The following COL20A1 variants were observed in gnomAD, a reference collection of about 807,000 sequenced individuals.
The protein encoded by COL20A1 is collagen type XX alpha 1 chain.
In COL20A1, 164 loss-of-function variants were observed where a neutral mutation model predicts 152.9. The ratio of observed to expected loss-of-function variants is 1.07; its 90% confidence interval spans 0.94 to 1.22. The LOEUF (loss-of-function observed/expected upper bound fraction) is 1.22, where lower values mean the gene tolerates loss of function less well. COL20A1 is among the 50% of genes most tolerant of loss of function. The probability of loss-of-function intolerance (pLI) is 0.00; values close to 1 mark genes in which losing one functional copy is unlikely to be tolerated. For missense variants in COL20A1, 1,873 were observed against 1,744.8 expected (o/e 1.07, Z -1.31); for synonymous variants, 864 against 756.0 (o/e 1.14, Z -2.34).
In COL20A1 at chr20:63,312,536, C is replaced by T. The variant is rs2123405000; in HGVS notation, c.1920C>T (p.Gly640=). 6.3e-7 allele frequency: 1 copy of T among 1,588,480 alleles called. No homozygotes were observed. The highest frequency in any genetic ancestry group is 8.5e-7 in the Non-Finnish European group (1 of 1,170,946). ...YPGGGSSTLT[G]RVTTKKAPSP... ...GGGGTGGCTCCTCTACGCTGACTGG[C>T]CGGGTGACCACCAGTGAGTGGGGAG... The change falls in exon 15 of 36, where the codon GGC becomes GGT. Residue 640 remains glycine (G), a synonymous_variant. Coordinates refer to ENST00000358894, the MANE Select transcript of COL20A1 (RefSeq NM_020882.4).
intron 8 of COL20A1, among the ~76,000 whole-genome samples, 172 bp downstream of exon 8, chr20:63,308,878 G>A (rs2067966285): frequency 6.6e-6 from 1 of 152,334 alleles, no homozygotes; most frequent in Non-Finnish European, 1.5e-5. Flanking sequence ...GATGGCACAG[G>A]CGGGCTGCTC....
Position 63,319,073 on chromosome 20 carries a change from C to T in COL20A1, c.2679C>T (p.Ala893=), listed in dbSNP as rs750952401. The change falls in exon 22 of 36, where the codon GCC becomes GCT. Residue 893 remains alanine (A), a synonymous_variant. Transcript: ENST00000358894. The surrounding 1 kb of genome is among the most constrained non-coding windows in gnomAD (Gnocchi z 4.4). ...ACCCCCACAGTGACGTCTACCCAGC[C>T]CCCCTACCTCCAGAGCACACCATCG... The part of the protein sequence containing the change: ...LTRRVSDVYP[A]PLPPEHTIVF... 25 of 1,612,204 alleles carry T rather than the reference C, an allele frequency of 1.6e-5. No homozygotes were observed. In the African/African-American group the frequency reaches 3.2e-4, roughly 21 times the overall value.
intron 2 of COL20A1, among the ~76,000 whole-genome samples, chr20:63,296,844 C>T (rs1044245069): frequency 6.6e-6 from 1 of 152,112 alleles, no homozygotes; most frequent in East Asian, 1.9e-4. Context: ...TGCCCCCCAG[C>T]CCCTGCTCTT....
intron 15 of COL20A1, 72 bp downstream of exon 15, chr20:63,312,621 C>T: frequency 6.7e-7 from 1 of 1,496,334 alleles, no homozygotes; most frequent in Admixed American, 2.1e-5. Flanking sequence ...AGACAGTTCA[C>T]ATCAAGTGTT....
Position 63,310,364 on chromosome 20 carries a change from T to C in COL20A1, c.1264-17T>C. On this transcript the variant is annotated splice_polypyrimidine_tract_variant and intron_variant, in intron 10 of 35. Coordinates refer to ENST00000358894, the MANE Select transcript of COL20A1 (RefSeq NM_020882.4). The stretch of plus-strand genomic sequence containing the variant: ...GCACCCCCCTTCCTGGCTCCGTCCT[T>C]GCCCACTCTGTTCCAGGTGGTGGTG... 1 of 1,610,500 alleles carries C rather than the reference T, an allele frequency of 6.2e-7. No individual in the cohort carries two copies. The highest frequency in any genetic ancestry group is 8.5e-7 in the Non-Finnish European group (1 of 1,179,070).
chr20:63,319,500 C>T lies in COL20A1; in HGVS notation c.2820C>T (p.Ser940=). 1 of 1,582,242 alleles carries T rather than the reference C, an allele frequency of 6.3e-7. No individual in the cohort carries two copies. The highest frequency in any genetic ancestry group is 8.6e-7 in the Non-Finnish European group (1 of 1,164,992). The change falls in exon 23 of 36, where the codon TCC becomes TCT. Residue 940 remains serine (S), a synonymous_variant. Coordinates refer to ENST00000358894, the MANE Select transcript of COL20A1 (RefSeq NM_020882.4). The surrounding 1 kb of genome is among the most constrained non-coding windows in gnomAD (Gnocchi z 4.4). ...CTTCCCTGGCAGCCGGGAAGAAGTCCCTGACCTACTTCCACCGTGACCCCA... is the reference window on the plus strand; with the variant it reads ...CTTCCCTGGCAGCCGGGAAGAAGTCTCTGACCTACTTCCACCGTGACCCCA... ...LGVLLDAGKK[S]LTYFHRDPRA...
In COL20A1 at chr20:63,307,355, G is replaced by A. The variant is rs2067938546; in HGVS notation, c.497-135G>A. 3 of 772,800 alleles carry A rather than the reference G, an allele frequency of 3.9e-6. No individual in the cohort carries two copies. The African/African-American group carries it at 5.2e-5, about 13-fold the overall frequency. The allele number at this position is 772,800 out of a possible 1,614,324, so 47.9% of individuals were successfully genotyped here. A position where few individuals can be genotyped will look rare whatever the true frequency, so the allele number is the denominator to read the frequency against. ...CTGTCTAGTCCGGTGAGGCCTGAGG[G>A]CCTTGGAGTCCTTTCCCCTGAAACC... is the stretch of plus-strand genomic sequence containing the variant. On this transcript the variant is annotated intron_variant, in intron 5 of 35. Transcript: ENST00000358894.
At chr20:63,325,967 C>A in intron 29 of COL20A1, 129 bp from the exon 30 acceptor site, 1 of 855,208 alleles carries the variant, frequency 1.2e-6, no homozygotes, top group East Asian at 2.6e-5. Flanking sequence ...AGGAGCCTGG[C>A]AGCCTCAGCT....
intron 18 of COL20A1, 48 bp from the exon 19 acceptor site, chr20:63,314,024 A>G (rs1160128584): frequency 2.5e-6 from 4 of 1,611,474 alleles, no homozygotes; most frequent in Middle Eastern, 1.7e-4. Context: ...CGCGTGGACG[A>G]GCAAAGTTGC....
At position 63,333,203 on chromosome 20, in the gene COL20A1, T is replaced by G. The variant is rs2068354779; in HGVS notation, c.*2487T>G. 6.6e-6 allele frequency: 1 copy of G among 152,400 alleles called. No homozygotes were observed. Among genetic ancestry groups the G allele is most frequent in the Non-Finnish European group, 1.5e-5 (1 of 68,278 alleles). 9.4% of individuals were successfully genotyped at this position (152,400 alleles called of 1,614,324 possible). On this transcript the variant is annotated 3_prime_UTR_variant, in exon 36 of 36. Coordinates refer to ENST00000358894, the MANE Select transcript of COL20A1 (RefSeq NM_020882.4). ...AGCACAGCTTCAGCCCTACGCAGTG[T>G]GGGGGCTCCGGGAGGAAATGCAGGG... is the stretch of plus-strand genomic sequence containing the variant.
At chr20:63,330,479 C>T (rs566048093) in intron 35 of COL20A1, among the ~76,000 whole-genome samples, 1 of 152,276 alleles carries the variant, frequency 6.6e-6, no homozygotes, top group South Asian at 2.1e-4. Context: ...GGGCTAAGAA[C>T]AAGCAGCCTT....
rs1249456076 is a variant in COL20A1 at position 63,295,055 on chromosome 20, G to T, written c.-10-43G>T. On this transcript the variant is annotated intron_variant, in intron 1 of 35. Transcript: ENST00000358894. Reference sequence around the variant, plus strand: ...TGGCGTTGTGGTCAGGGAGAGGACAGACGGGGGGACGGCTGAAGGGCATGG... The same window carrying T: ...TGGCGTTGTGGTCAGGGAGAGGACATACGGGGGGACGGCTGAAGGGCATGG... 5 of 1,321,106 alleles carry T rather than the reference G, an allele frequency of 3.8e-6. No individual in the cohort carries two copies. The African/African-American group carries it at 7.3e-5, about 19-fold the overall frequency. 81.8% of individuals were successfully genotyped at this position (1,321,106 alleles called of 1,614,324 possible).
chr20:63,294,902 C>T (rs2067767103), intron 1 of COL20A1, 196 bp from the exon 2 acceptor site: 1 of 544,590 alleles, frequency 1.8e-6, no homozygotes, highest in Non-Finnish European at 3.2e-6. Flanking sequence ...GCCTTGGGTC[C>T]TTGAGTTTTA....
rs3746374 is a variant in COL20A1, at chr20:63,308,079, A to T, written c.764A>T (p.Asn255Ile). The change falls in exon 7 of 36, where the codon AAC becomes ATC. Residue 255 changes from asparagine (N) to isoleucine (I), a missense_variant. By Grantham distance (149) the Asn-to-Ile change is moderately radical. Coordinates refer to ENST00000358894, the MANE Select transcript of COL20A1 (RefSeq NM_020882.4). ...AVRRLRYKGG[N>I]TFTGLALTHV... Reference sequence around the variant, plus strand: ...CGCCGCCTCCGCTACAAGGGGGGGAACACGTTCACAGGTACGGCCCAGGCC... The same window carrying T: ...CGCCGCCTCCGCTACAAGGGGGGGATCACGTTCACAGGTACGGCCCAGGCC... 5 of 1,609,282 alleles carry T rather than the reference A, an allele frequency of 3.1e-6. No individual in the cohort carries two copies. Among genetic ancestry groups the T allele is most frequent in the East Asian group, 2.2e-5 (1 of 44,870 alleles).
intron 20 of COL20A1, 74 bp from the exon 21 acceptor site, chr20:63,316,479 G>A (rs1347158753): frequency 4.2e-5 from 39 of 922,800 alleles, no homozygotes; most frequent in Non-Finnish European, 5.2e-5. Context: ...TTGAGTCCCC[G>A]CTCCTGCCCC....
At chr20:63,325,393 G>A in intron 27 of COL20A1, 48 bp from the exon 28 acceptor site, 2 of 1,428,402 alleles carry the variant, frequency 1.4e-6, no homozygotes, top group Non-Finnish European at 9.9e-7. Context: ...CTGCCCTCCT[G>A]CCCTGTGCCC....
chr20:63,325,511 C>T lies in COL20A1; in HGVS notation c.3348+17C>T. The T allele has an allele frequency of 6.2e-7, 1 of 1,606,400 alleles. No homozygotes were observed. The highest frequency in any genetic ancestry group is 8.5e-7 in the Non-Finnish European group (1 of 1,175,130). ...GGCTTGCAGGTAGTGTGGCTGGGGC[C>T]AGGGGGCCACAGGGGTTGGTGGGGG... On this transcript the variant is annotated intron_variant, in intron 28 of 35. Coordinates refer to ENST00000358894, the MANE Select transcript of COL20A1 (RefSeq NM_020882.4).
rs370343751 is a variant in COL20A1, at chr20:63,309,909, C to A, written c.1257C>A (p.Pro419=). ...GGCGAGCCTCTAGAGGTGGCACCCC[C>A]AGGGAGGTGAGGGGGCCGGTATACA... ...IVWRASRGGT[P]REVVVEGPAA... The change falls in exon 10 of 36, where the codon CCC becomes CCA. Residue 419 remains proline, a synonymous_variant. Coordinates refer to ENST00000358894, the MANE Select transcript of COL20A1 (RefSeq NM_020882.4). 3.5e-5 allele frequency: 56 copies of A among 1,599,214 alleles called. No homozygotes were observed. The highest frequency in any genetic ancestry group is 3.3e-4 in the Middle Eastern group (2 of 5,982).
In COL20A1 at chr20:63,297,896, TC is replaced by T. The variant is rs2067818392; in HGVS notation, c.83-12del. 3.7e-6 allele frequency: 6 copies of T among 1,609,332 alleles called. No homozygotes were observed. The highest frequency in any genetic ancestry group is 4.3e-6 in the Non-Finnish European group (5 of 1,176,394). The stretch of plus-strand genomic sequence containing the variant: ...GGCCAGGTCAGTCCTGACCACTATG[TC>T]CTGTTTCTGTAGCAAGCGGTCTCCT... On this transcript the variant is annotated splice_polypyrimidine_tract_variant and intron_variant, in intron 2 of 35. Transcript: ENST00000358894.
Sources: gnomAD v4.1 joint callset for allele counts (sites outside exome capture counted in the v4.1 genomes callset) on GRCh38, gnomAD v4.1.1 for gene constraint, Gnocchi (gnomAD v3.1) non-coding constraint, MANE v1.5 for transcripts, NCBI Gene and HGNC (gene_info 2026-07-23, HGNC 2026-07-21) for gene names.